UGT1A6: variants seen among roughly 807,000 people sequenced by gnomAD.
The protein encoded by UGT1A6 is UDP-glucuronosyltransferase 1A6.
UGT1A6 carries 32 observed loss-of-function variants against 44.4 expected under a neutral mutation model. The ratio of observed to expected loss-of-function variants is 0.72; its 90% CI spans 0.54 to 0.97. The LOEUF (loss-of-function observed/expected upper bound fraction) is 0.97, where lower values mean the gene tolerates loss of function less well. UGT1A6 is among the 50% of genes least tolerant of loss of function. The pLI is 0.00. For synonymous variants in UGT1A6, 238 were observed against 248.5 expected, an observed-to-expected ratio of 0.96 and a Z score of 0.40; for missense variants, 685 against 661.9, an observed-to-expected ratio of 1.03 and a Z score of -0.38.
In UGT1A6 at chr2:233,693,537, T is replaced by G; in HGVS notation, c.533T>G (p.Leu178Arg). Residue 178 changes from leucine (L) to arginine (R), a missense_variant, in exon 1 of 5, where the codon CTG becomes CGG. Transcript: ENST00000305139. ...CTCTTCAGGGGTTTTCCGTGTTCCC[T>G]GGAGCATACATTCAGCAGAAGCCCA... ...VYLFRGFPCS[L>R]EHTFSRSPDP... 6.2e-7 allele frequency: 1 copy of G among 1,614,218 alleles called. No individual in the cohort carries two copies. Among genetic ancestry groups the G allele is most frequent in the Non-Finnish European group, 8.5e-7 (1 of 1,180,028 alleles).
intron 1 of UGT1A6, chr2:233,747,152 G>A (rs1023956856): frequency 1.3e-6 from 2 of 1,577,494 alleles, no homozygotes; most frequent in African/African-American, 1.4e-5. Context: ...TTAAGATGAA[G>A]AAAACAAATG....
intron 1 of UGT1A6, among the ~76,000 whole-genome samples, chr2:233,726,736 G>A (rs531749888): frequency 1.4e-4 from 22 of 152,274 alleles, no homozygotes; most frequent in African/African-American, 3.9e-4. Context: ...ATACTTTTGT[G>A]GGGCTGTGAT....
intron 2 of UGT1A6, 105 bp downstream of exon 2, chr2:233,767,270 C>T: frequency 6.3e-7 from 1 of 1,582,714 alleles, no homozygotes; most frequent in Non-Finnish European, 8.5e-7. Flanking sequence ...TTAGATTTGG[C>T]TTTTCCCTGC....
At chr2:233,754,553 C>G (rs139007444) in intron 1 of UGT1A6, 1 of 387,854 alleles carries the variant, frequency 2.6e-6, no homozygotes, top group Non-Finnish European at 5.1e-6. Context: ...TACTTGGTGT[C>G]AATGGGGAGC....
chr2:233,744,535 T>A (rs2125863859), intron 1 of UGT1A6, among the ~76,000 whole-genome samples: 1 of 152,076 alleles, frequency 6.6e-6, no homozygotes, highest in East Asian at 1.9e-4. Flanking sequence ...TATTTTTATG[T>A]AAATTTTATT....
At chr2:233,758,572 TGAA>T (rs1353385899) in intron 1 of UGT1A6, among the ~76,000 whole-genome samples, 1 of 152,298 alleles carries the variant, frequency 6.6e-6, no homozygotes, top group East Asian at 1.9e-4. Flanking sequence ...TCCTAAAAAA[TGAA>T]GAGTGTTTGG....
In UGT1A6 at chr2:233,726,943, A is replaced by T. The variant is rs548004940; in HGVS notation, c.861+33078A>T. On this transcript the variant is annotated intron_variant, in intron 1 of 4. Coordinates refer to ENST00000305139, the MANE Select transcript of UGT1A6 (RefSeq NM_001072.4). Reference sequence around the variant, plus strand: ...GATCTTCCTTTTTTCATTTTTAAAAAACAATACCTTTCAAAGAGCAAAAGT... The same window carrying T: ...GATCTTCCTTTTTTCATTTTTAAAATACAATACCTTTCAAAGAGCAAAAGT... Among the ~76,000 whole-genome samples the T allele has an allele frequency of 5.9e-5, 9 of 152,338 alleles. No individual in the cohort carries two copies. The South Asian group carries it at 1.9e-3, about 32-fold the overall frequency.
rs528831440 is a variant in UGT1A6, at chr2:233,734,491, G to GT, written c.862-32536dup. Among the ~76,000 whole-genome samples, 467 of 152,022 alleles carry GT rather than the reference G, an allele frequency of 3.1e-3. 1 individual carries two copies. Among genetic ancestry groups the GT allele is most frequent in the Admixed American group, 5.0e-3 (77 of 15,264 alleles). On this transcript the variant is annotated intron_variant, in intron 1 of 4. Coordinates refer to ENST00000305139, the MANE Select transcript of UGT1A6 (RefSeq NM_001072.4). ...CCTGGATTCATTGATTTTTTTGAAG[G>GT]TTTTTTTGTGTCTCTATCTCTTTCA...
intron 1 of UGT1A6, among the ~76,000 whole-genome samples, chr2:233,738,179 C>T (rs577754213): frequency 2.6e-5 from 4 of 152,258 alleles, no homozygotes; most frequent in African/African-American, 4.8e-5. Context: ...TCATGTAAGA[C>T]GTGTCTTTGC....
Position 233,772,828 on chromosome 2 carries a change from C to T in UGT1A6, c.*269C>T, listed in dbSNP as rs762669023. The stretch of plus-strand genomic sequence containing the variant: ...TTCAGAGGACGTGCAGACAGGCTGG[C>T]ATTCTAGATTACTTTTCTTACTCTG... On this transcript the variant is annotated 3_prime_UTR_variant, in exon 5 of 5. Coordinates refer to ENST00000305139, the MANE Select transcript of UGT1A6 (RefSeq NM_001072.4). 7.5e-5 allele frequency: 69 copies of T among 921,010 alleles called. No individual in the cohort carries two copies. The highest frequency in any genetic ancestry group is 9.8e-5 in the Non-Finnish European group (65 of 663,798). 57.1% of individuals were successfully genotyped at this position (921,010 alleles called of 1,614,324 possible).
At chr2:233,764,548 G>A (rs1431186890) in intron 1 of UGT1A6, among the ~76,000 whole-genome samples, 1 of 152,168 alleles carries the variant, frequency 6.6e-6, no homozygotes, top group African/African-American at 2.4e-5. Context: ...TGGGCGTGTG[G>A]GAGGGTGTGC....
chr2:233,693,300 T>C lies in UGT1A6; in HGVS notation c.296T>C (p.Phe99Ser). Residue 99 changes from phenylalanine to serine, a missense_variant, in exon 1 of 5, where the codon TTT (phenylalanine) becomes TCT (serine). Transcript: ENST00000305139. ...NRYQSFGNNHFAERSFLTAPQ... is the reference protein window; with the variant it reads ...NRYQSFGNNHSAERSFLTAPQ... ...TACCAATCATTTGGAAACAATCACT[T>C]TGCTGAGCGATCATTCCTAACTGCT... 2 of 1,614,182 alleles carry C rather than the reference T, an allele frequency of 1.2e-6. No individual in the cohort carries two copies. Among genetic ancestry groups the C allele is most frequent in the African/African-American group, 2.7e-5 (2 of 75,054 alleles).
chr2:233,754,878 C>G (rs1478307261), intron 1 of UGT1A6: 1 of 1,352,412 alleles, frequency 7.4e-7, no homozygotes, highest in Non-Finnish European at 9.9e-7. Context: ...GCTTCTGCTT[C>G]CCAGGGAGTT....
At chr2:233,728,228 C>T (rs1162428400) in intron 1 of UGT1A6, among the ~76,000 whole-genome samples, 1 of 152,188 alleles carries the variant, frequency 6.6e-6, no homozygotes. Flanking sequence ...CCATAATCTT[C>T]AGGATGAAAT....
At chr2:233,695,198 C>T (rs2075272132) in intron 1 of UGT1A6, among the ~76,000 whole-genome samples, 1 of 150,442 alleles carries the variant, frequency 6.6e-6, no homozygotes, top group South Asian at 2.1e-4. Flanking sequence ...CGATCTCAGC[C>T]CACTGCAACC....
rs199834645 is a variant in UGT1A6, at chr2:233,692,978, A to G, written c.-27A>G. On this transcript the variant is annotated 5_prime_UTR_variant, in exon 1 of 5. Coordinates refer to ENST00000305139, the MANE Select transcript of UGT1A6 (RefSeq NM_001072.4). ...ATTTGGAGAGTGAAAACTCTTTATTACCGTTGTTACTTTAACTCTTTCCAG... is the reference window on the plus strand; with the variant it reads ...ATTTGGAGAGTGAAAACTCTTTATTGCCGTTGTTACTTTAACTCTTTCCAG... The G allele has an allele frequency of 1.2e-5, 19 of 1,612,834 alleles. No individual in the cohort carries two copies. In the African/African-American group the frequency reaches 2.1e-4, roughly 18 times the overall value.
intron 1 of UGT1A6, among the ~76,000 whole-genome samples, chr2:233,753,922 T>C (rs1212078671): frequency 6.6e-6 from 1 of 152,180 alleles, no homozygotes; most frequent in African/African-American, 2.4e-5. Flanking sequence ...TTCAGCTCAG[T>C]GATATGGGAT....
chr2:233,741,234 T>C (rs1176985414), intron 1 of UGT1A6, among the ~76,000 whole-genome samples: 1 of 151,886 alleles, frequency 6.6e-6, no homozygotes, highest in Non-Finnish European at 1.5e-5. Flanking sequence ...CCACTACCTC[T>C]GAGTGACACT....
intron 1 of UGT1A6, chr2:233,740,955 A>G (rs1274225683): frequency 1.3e-5 from 2 of 151,640 alleles, no homozygotes; most frequent in Non-Finnish European, 2.9e-5. Flanking sequence ...TAGGTGTGGT[A>G]GCATTTCTGT....
Sources: allele counts gnomAD v4.1 joint callset (sites outside exome capture counted in the v4.1 genomes callset), GRCh38; gene constraint gnomAD v4.1.1; transcripts MANE v1.5; gene names NCBI Gene and HGNC (gene_info 2026-07-23, HGNC 2026-07-21).